The following NREP variants were observed in gnomAD, a reference collection of about 807,000 sequenced individuals.
The protein encoded by NREP is neuronal regeneration-related protein.
NREP carries 5 observed loss-of-function variants against 8.6 expected under a neutral mutation model. That is an observed-to-expected ratio of 0.58 (90% confidence interval 0.30 to 1.22). The LOEUF (loss-of-function observed/expected upper bound fraction) is 1.22, where lower values mean the gene tolerates loss of function less well. Ranked by LOEUF, NREP falls within the 50% of genes most tolerant of loss-of-function variation. The pLI is 0.07. For synonymous variants in NREP, 27 were observed against 28.0 expected (o/e 0.96, Z 0.11); for missense variants, 86 against 82.5 (o/e 1.04, Z -0.17).
intron 2 of NREP, among the ~76,000 whole-genome samples, chr5:111,819,643 G>A (rs565437268): frequency 1.3e-5 from 2 of 152,218 alleles, no homozygotes; most frequent in East Asian, 3.9e-4. Context: ...GCAAGCCTCT[G>A]GTCATAACAT....
chr5:111,881,334 C>A (rs1018245634), intron 2 of NREP, among the ~76,000 whole-genome samples: 1 of 152,212 alleles, frequency 6.6e-6, no homozygotes, highest in Non-Finnish European at 1.5e-5. Context: ...GAAGCTCCAA[C>A]TGGGTGGAGC....
intron 2 of NREP, among the ~76,000 whole-genome samples, chr5:111,964,873 A>AAAAAAAAAAG (rs1756594747): frequency 9.6e-6 from 1 of 104,012 alleles, no homozygotes; most frequent in African/African-American, 5.0e-5. Context: ...AAAAAAAAAA[A>AAAAAAAAAAG]AAAAAAAAAA....
chr5:111,957,128 A>AG (rs1004805370), intron 2 of NREP, among the ~76,000 whole-genome samples: 1 of 151,730 alleles, frequency 6.6e-6, no homozygotes, highest in African/African-American at 2.4e-5. Context: ...CGAGGGAGGG[A>AG]GGAGGCAAGG....
At chr5:111,901,782 T>C (rs1754653419) in intron 2 of NREP, among the ~76,000 whole-genome samples, 1 of 151,932 alleles carries the variant, frequency 6.6e-6, no homozygotes, top group African/African-American at 2.4e-5. Flanking sequence ...AATTATAAAA[T>C]ACTGATGAAA....
chr5:111,975,839 C>G (rs1412770873), intron 1 of NREP, among the ~76,000 whole-genome samples: 2 of 152,104 alleles, frequency 1.3e-5, no homozygotes, highest in East Asian at 3.9e-4. Context: ...TTAATTTCAC[C>G]TGCAATTATT....
intron 2 of NREP, among the ~76,000 whole-genome samples, chr5:111,809,534 G>C (rs978127627): frequency 2.6e-5 from 4 of 152,150 alleles, no homozygotes; most frequent in Non-Finnish European, 5.9e-5. Flanking sequence ...GGTGAGACTG[G>C]ATTAGTTCTT....
chr5:111,853,827 T>C (rs1753364023), intron 2 of NREP, among the ~76,000 whole-genome samples: 1 of 152,134 alleles, frequency 6.6e-6, no homozygotes, highest in South Asian at 2.1e-4. Flanking sequence ...AGCTTATAAG[T>C]GTGTCCCTCT....
intron 2 of NREP, among the ~76,000 whole-genome samples, chr5:111,959,267 A>G (rs1442334675): frequency 6.6e-6 from 1 of 151,818 alleles, no homozygotes; most frequent in Non-Finnish European, 1.5e-5. Flanking sequence ...AGTAAGCAAA[A>G]TTAGTCTATG....
chr5:111,918,130 C>T (rs552531514), intron 2 of NREP, among the ~76,000 whole-genome samples: 3 of 152,142 alleles, frequency 2.0e-5, no homozygotes, highest in Admixed American at 1.3e-4. Context: ...TAATAAAATA[C>T]CTAGGAATAC....
intron 2 of NREP, among the ~76,000 whole-genome samples, chr5:111,938,350 A>G (rs951819962): frequency 9.9e-5 from 15 of 152,142 alleles, no homozygotes; most frequent in Non-Finnish European, 2.1e-4. Context: ...TAAACATTTT[A>G]TAAGCCAAAA....
chr5:111,895,332 T>G (rs1209894775), intron 2 of NREP, among the ~76,000 whole-genome samples: 1 of 152,106 alleles, frequency 6.6e-6, no homozygotes. Flanking sequence ...TAAGGCACTG[T>G]TTTCCATGCT....
intron 2 of NREP, among the ~76,000 whole-genome samples, chr5:111,763,216 A>G (rs1265477278): frequency 6.6e-6 from 1 of 152,218 alleles, no homozygotes; most frequent in Non-Finnish European, 1.5e-5. Context: ...AGTAAGTCTC[A>G]GGGAGGAACA....
chr5:111,891,289 C>G (rs1003785898), intron 2 of NREP, among the ~76,000 whole-genome samples: 1 of 152,196 alleles, frequency 6.6e-6, no homozygotes, highest in Admixed American at 6.5e-5. Context: ...TGCTCCAGTT[C>G]CAAATAAGTT....
intron 2 of NREP, among the ~76,000 whole-genome samples, chr5:111,873,718 C>T (rs1753840796): frequency 6.6e-6 from 1 of 152,156 alleles, no homozygotes; most frequent in Non-Finnish European, 1.5e-5. Flanking sequence ...ATAATCCCCC[C>T]ATGTCAAGAT....
intron 2 of NREP, among the ~76,000 whole-genome samples, chr5:111,840,466 G>A (rs978245101): frequency 5.3e-5 from 8 of 152,036 alleles, no homozygotes; most frequent in Admixed American, 4.6e-4. Context: ...TTTGCTTCTG[G>A]ACTTTGTTAC....
chr5:111,789,979 G>C (rs961064115), intron 2 of NREP, among the ~76,000 whole-genome samples: 2 of 151,766 alleles, frequency 1.3e-5, no homozygotes, highest in East Asian at 1.9e-4. Flanking sequence ...AAAATTGAAA[G>C]GCAAATTGCA....
chr5:111,916,963 A>G (rs1328254706), intron 2 of NREP, among the ~76,000 whole-genome samples: 1 of 152,074 alleles, frequency 6.6e-6, no homozygotes, highest in African/African-American at 2.4e-5. Context: ...CAGGAAAGAA[A>G]GGAAAGTTTC....
At chr5:111,736,534 T>C (rs1749133732) in intron 2 of NREP, among the ~76,000 whole-genome samples, 1 of 152,198 alleles carries the variant, frequency 6.6e-6, no homozygotes, top group South Asian at 2.1e-4. Flanking sequence ...GTTTACATTT[T>C]GGTTTTGGAA....
chr5:111,970,331 G>T (rs1215127974), intron 2 of NREP, among the ~76,000 whole-genome samples: 1 of 152,098 alleles, frequency 6.6e-6, no homozygotes, highest in Non-Finnish European at 1.5e-5. Context: ...GATGGCATTG[G>T]TCTGAGTGTT....
Sources: gnomAD v4.1 joint callset for allele counts (sites outside exome capture counted in the v4.1 genomes callset) on GRCh38, gnomAD v4.1.1 for gene constraint, MANE v1.5 for transcripts, NCBI Gene and HGNC (gene_info 2026-07-23, HGNC 2026-07-21) for gene names.